The following NRCAM variants were observed in gnomAD, a reference collection of about 807,000 sequenced individuals.
The protein encoded by NRCAM is NgCAM-related cell adhesion molecule.
NRCAM carries 83 observed loss-of-function variants against 156.5 expected under a neutral mutation model. The observed-to-expected ratio is 0.53, with a 90% CI of 0.44 to 0.64. The LOEUF is 0.64. Among genes scored for constraint, NRCAM ranks in the 30% least tolerant of loss-of-function variants. NRCAM has a pLI of 0.00. For missense variants in NRCAM, 1,417 were observed against 1,597.3 expected, an observed-to-expected ratio of 0.89 and a Z score of 1.92; for synonymous variants, 538 against 563.9, an observed-to-expected ratio of 0.95 and a Z score of 0.65.
chr7:108,254,771 G>A (rs893074247), intron 3 of NRCAM, among the ~76,000 whole-genome samples: 5 of 151,998 alleles, frequency 3.3e-5, no homozygotes, highest in South Asian at 2.1e-4. Context: ...GACTGGTCTC[G>A]AATTCCTGAG....
intron 2 of NRCAM, among the ~76,000 whole-genome samples, chr7:108,359,708 T>TA (rs918322499): frequency 6.6e-5 from 10 of 151,972 alleles, no homozygotes; most frequent in East Asian, 1.9e-4. Flanking sequence ...ATTTTCGACC[T>TA]AAAAAAAATG....
intron 30 of NRCAM, among the ~76,000 whole-genome samples, chr7:108,161,112 A>G (rs532554994): frequency 2.0e-5 from 3 of 152,356 alleles, no homozygotes; most frequent in South Asian, 2.1e-4. Flanking sequence ...CTCATTCACA[A>G]GAGTTGGTTC....
chr7:108,389,979 T>C (rs905003386), intron 2 of NRCAM, among the ~76,000 whole-genome samples: 27 of 152,216 alleles, frequency 1.8e-4, no homozygotes, highest in African/African-American at 6.3e-4. Context: ...TGAGGATTTT[T>C]TCACCGACAT....
intron 1 of NRCAM, among the ~76,000 whole-genome samples, chr7:108,427,284 A>C (rs4730315): frequency 0.9 from 136,779 of 152,174 alleles, 61,951 homozygotes; most frequent in East Asian, 1. Context: ...ACAGGCAGAT[A>C]GAATTATTTC....
intron 2 of NRCAM, among the ~76,000 whole-genome samples, chr7:108,326,655 T>G (rs2099071911): frequency 1.3e-5 from 2 of 152,176 alleles, no homozygotes; most frequent in South Asian, 2.1e-4. Flanking sequence ...TGAATATAAC[T>G]CAACAGCAGA....
Position 108,361,497 on chromosome 7 carries a change from A to G in NRCAM, c.-174+37939T>C, listed in dbSNP as rs545438243. On this transcript the variant is annotated intron_variant, in intron 2 of 32. Transcript: ENST00000379028. ...GAACAAAGAGGCTGACCCTCCCCCAAGTTAGAATTCTTCCTGTCTGACAGT... is the reference window on the plus strand; with the variant it reads ...GAACAAAGAGGCTGACCCTCCCCCAGGTTAGAATTCTTCCTGTCTGACAGT... Among the ~76,000 whole-genome samples, 25 of 152,318 alleles carry G rather than the reference A, an allele frequency of 1.6e-4. No homozygotes were observed. The South Asian group carries it at 5.0e-3, about 30-fold the overall frequency.
chr7:108,368,012 T>C (rs1323527169), intron 2 of NRCAM, among the ~76,000 whole-genome samples: 1 of 152,180 alleles, frequency 6.6e-6, no homozygotes, highest in Non-Finnish European at 1.5e-5. Context: ...ATCACCATTA[T>C]GCCTTTTAAC....
chr7:108,263,880 G>A (rs1308632667), intron 3 of NRCAM, among the ~76,000 whole-genome samples: 1 of 152,172 alleles, frequency 6.6e-6, no homozygotes, highest in Non-Finnish European at 1.5e-5. Context: ...AAGTCTTCCT[G>A]CATTCAGTCT....
intron 32 of NRCAM, among the ~76,000 whole-genome samples, chr7:108,154,542 A>T (rs892494365): frequency 6.9e-6 from 1 of 145,228 alleles, no homozygotes; most frequent in East Asian, 1.9e-4. Context: ...GCTGTGGTGG[A>T]GGAGAGAATC....
At chr7:108,200,782 A>T (rs1271062496) in intron 13 of NRCAM, among the ~76,000 whole-genome samples, 1 of 138,244 alleles carries the variant, frequency 7.2e-6, no homozygotes, top group East Asian at 2.1e-4. Context: ...ACACACACAC[A>T]CACTATGAAA....
At chr7:108,173,877 T>C (rs564054788) in intron 28 of NRCAM, among the ~76,000 whole-genome samples, 4 of 152,288 alleles carry the variant, frequency 2.6e-5, no homozygotes, top group Non-Finnish European at 4.4e-5. Context: ...GGGGTGATGT[T>C]TTTCCAGTGG....
Position 108,159,471 on chromosome 7 carries a change from T to C in NRCAM, c.3669A>G (p.Gly1223=). The change falls in exon 32 of 33, where the codon GGA becomes GGG. Residue 1223 remains glycine (G), a synonymous_variant. Transcript: ENST00000379028. ...QPMKEDDGTF[G]EYSDAEDHKP... ...GAGAAGCAGGGGCTCACCTGTATTCTCCAAATGTCCCATCATCTTCCTTCA... is the reference window on the plus strand; with the variant it reads ...GAGAAGCAGGGGCTCACCTGTATTCCCCAAATGTCCCATCATCTTCCTTCA... The C allele has an allele frequency of 6.2e-7, 1 of 1,613,284 alleles. No individual in the cohort carries two copies. The highest frequency in any genetic ancestry group is 1.7e-4 in the Middle Eastern group (1 of 6,056).
rs368683191 is a variant in NRCAM, at chr7:108,191,253, C to A, written c.1933+1G>T. On this transcript the variant is annotated splice_donor_variant, in intron 19 of 32. Coordinates refer to ENST00000379028, the MANE Select transcript of NRCAM (RefSeq NM_001037132.4). LOFTEE classifies it high-confidence loss of function. ...GAGAAAGAAGACTCATATTAGTTTA[C>A]CGTAAACGGGAGCTGGAGTTGGAGT... The A allele has an allele frequency of 3.1e-6, 5 of 1,604,618 alleles. No homozygotes were observed. The highest frequency in any genetic ancestry group is 4.3e-6 in the Non-Finnish European group (5 of 1,174,858).
intron 2 of NRCAM, among the ~76,000 whole-genome samples, chr7:108,332,056 C>A (rs2099132408): frequency 6.6e-6 from 1 of 152,150 alleles, no homozygotes; most frequent in African/African-American, 2.4e-5. Flanking sequence ...AGAAGCTCAC[C>A]AGGCATCAAA....
chr7:108,150,085 T>A lies in NRCAM; in HGVS notation c.3740A>T (p.Lys1247Ile), dbSNP rs762472329. 17 of 1,614,004 alleles carry A rather than the reference T, an allele frequency of 1.1e-5. No individual in the cohort carries two copies. The highest frequency in any genetic ancestry group is 1.4e-5 in the Non-Finnish European group (16 of 1,179,978). The part of the protein sequence containing the change: ...GSRTPSDRTV[K>I]KEDSDDSLVD... ...TAGGCTGTCGTCACTATCTTCTTTT[T>A]TCACAGTCCTGTCTGAAGGAGTTCG... The change falls in exon 33 of 33, where the codon AAA becomes ATA. Residue 1247 changes from lysine (K) to isoleucine (I), a missense_variant. By Grantham distance (102) the Lys-to-Ile change is moderately radical. Transcript: ENST00000379028.
intron 30 of NRCAM, among the ~76,000 whole-genome samples, chr7:108,162,477 A>G (rs2049777410): frequency 6.6e-6 from 1 of 152,250 alleles, no homozygotes; most frequent in Non-Finnish European, 1.5e-5. Flanking sequence ...CAGCCTTGTC[A>G]TAAATACATT....
chr7:108,347,971 T>C (rs1482148432), intron 2 of NRCAM, among the ~76,000 whole-genome samples: 1 of 152,188 alleles, frequency 6.6e-6, no homozygotes, highest in African/African-American at 2.4e-5. Flanking sequence ...GCACTCACCA[T>C]GTTCTAGGAG....
At chr7:108,351,258 G>A (rs911957490) in intron 2 of NRCAM, among the ~76,000 whole-genome samples, 11 of 152,308 alleles carry the variant, frequency 7.2e-5, no homozygotes, top group Admixed American at 7.2e-4. Context: ...TTTACCAGAT[G>A]CAGGCCCCTT....
In NRCAM at chr7:108,396,620, A is replaced by T. The variant is rs575912053; in HGVS notation, c.-174+2816T>A. ...AACACAAAGAAATCATAAATGTTTGAGGTGATGGATATACCCAATTAATCT... is the reference window on the plus strand; with the variant it reads ...AACACAAAGAAATCATAAATGTTTGTGGTGATGGATATACCCAATTAATCT... On this transcript the variant is annotated intron_variant, in intron 2 of 32. Transcript: ENST00000379028. Among the ~76,000 whole-genome samples the T allele has an allele frequency of 4.6e-5, 7 of 152,360 alleles. No homozygotes were observed. In the East Asian group the frequency reaches 1.3e-3, roughly 29 times the overall value.
Sources: gnomAD v4.1 joint callset for allele counts (sites outside exome capture counted in the v4.1 genomes callset) on GRCh38, gnomAD v4.1.1 for gene constraint, MANE v1.5 for transcripts, NCBI Gene and HGNC (gene_info 2026-07-23, HGNC 2026-07-21) for gene names.